MACROD2: variants seen among roughly 807,000 people sequenced by gnomAD.
MACROD2 encodes ADP-ribose glycohydrolase MACROD2.
Under a neutral mutation model 70.4 loss-of-function variants are expected in MACROD2, and 36 were observed. That is an observed-to-expected ratio of 0.51 (90% CI 0.39 to 0.68). MACROD2 has a LOEUF of 0.68. MACROD2 is among the 30% of genes least tolerant of loss of function. The pLI is 0.00. For synonymous variants in MACROD2, 172 were observed against 178.8 expected, an observed-to-expected ratio of 0.96 and a Z score of 0.30; for missense variants, 496 against 538.4, an observed-to-expected ratio of 0.92 and a Z score of 0.78.
chr20:14,804,761 G>C (rs2072618716), intron 5 of MACROD2, among the ~76,000 whole-genome samples: 1 of 152,008 alleles, frequency 6.6e-6, no homozygotes. Flanking sequence ...ACTAGTGACT[G>C]TGCCCATGCT....
intron 8 of MACROD2, among the ~76,000 whole-genome samples, chr20:15,706,423 A>G (rs745995888): frequency 3.3e-5 from 5 of 152,250 alleles, no homozygotes; most frequent in Non-Finnish European, 5.9e-5. Flanking sequence ...TTGGTTACGC[A>G]CTGTGAGAAG....
intron 7 of MACROD2, among the ~76,000 whole-genome samples, chr20:15,488,279 G>A (rs1020423108): frequency 6.6e-6 from 1 of 152,148 alleles, no homozygotes; most frequent in African/African-American, 2.4e-5. Context: ...TAGGCCTCAG[G>A]TGGCACAGAA....
rs767590705 is a variant in MACROD2 at position 14,886,995 on chromosome 20, A to G, written c.418+202036A>G. Among the ~76,000 whole-genome samples the G allele has an allele frequency of 4.6e-5, 7 of 152,202 alleles. 1 individual carries two copies. Among genetic ancestry groups the G allele is most frequent in the Middle Eastern group, 3.2e-3 (1 of 314 alleles). On this transcript the variant is annotated intron_variant, in intron 5 of 17. Transcript: ENST00000684519. ...TGATCATACACTTCTCTGAAAATAAATGTTCATAGTGAATGCTTTTTTGAT... is the reference window on the plus strand; with the variant it reads ...TGATCATACACTTCTCTGAAAATAAGTGTTCATAGTGAATGCTTTTTTGAT...
At chr20:15,668,628 G>T (rs772361763) in intron 8 of MACROD2, among the ~76,000 whole-genome samples, 17 of 151,364 alleles carry the variant, frequency 1.1e-4, no homozygotes, top group Admixed American at 6.6e-4. Flanking sequence ...ACATCAAGAG[G>T]TTCCCATTGT....
chr20:15,840,946 A>G (rs2064163521), intron 8 of MACROD2, among the ~76,000 whole-genome samples: 1 of 152,076 alleles, frequency 6.6e-6, no homozygotes, highest in African/African-American at 2.4e-5. Flanking sequence ...CAACAAGAAA[A>G]CCTTCTGAAG....
chr20:14,622,163 G>A (rs1422038859), intron 4 of MACROD2, among the ~76,000 whole-genome samples: 1 of 151,826 alleles, frequency 6.6e-6, no homozygotes, highest in African/African-American at 2.4e-5. Context: ...TATTTCCATT[G>A]GATAATAAAG....
intron 5 of MACROD2, among the ~76,000 whole-genome samples, chr20:14,757,197 T>C (rs13042992): frequency 6.6e-6 from 1 of 152,082 alleles, no homozygotes; most frequent in Non-Finnish European, 1.5e-5. Flanking sequence ...CCTAACATAA[T>C]AGAAATAAAG....
chr20:14,644,979 T>C (rs1390089945), intron 4 of MACROD2, among the ~76,000 whole-genome samples: 1 of 152,148 alleles, frequency 6.6e-6, no homozygotes, highest in Non-Finnish European at 1.5e-5. Context: ...GACTTTACAC[T>C]TATGGATTGA....
chr20:15,365,058 C>T (rs2045389027), intron 6 of MACROD2, among the ~76,000 whole-genome samples: 1 of 152,120 alleles, frequency 6.6e-6, no homozygotes, highest in Non-Finnish European at 1.5e-5. Context: ...ACATTTTACT[C>T]TGATTAAGAA....
intron 5 of MACROD2, among the ~76,000 whole-genome samples, chr20:15,000,032 TC>T (rs1191365057): frequency 6.6e-6 from 1 of 152,194 alleles, no homozygotes; most frequent in Non-Finnish European, 1.5e-5. Context: ...CATACTAAAT[TC>T]ATCATTGCAG....
intron 5 of MACROD2, among the ~76,000 whole-genome samples, chr20:14,954,489 A>AAATTATATATAATTATTATTATATAATT (rs2074502101): frequency 7.0e-6 from 1 of 142,138 alleles, no homozygotes; most frequent in Non-Finnish European, 1.5e-5. Flanking sequence ...TTAAATATAT[A>AAATTATATATAATTATTATTATATAATT]AATTATATAT....
rs143366621 is a variant in MACROD2, at chr20:14,426,387, T to G, written c.272-67092T>G. ...TTTTTATGTTATGGTTCTCTTCTCTTATCTCTCTGATATTAATAATAGATT... is the reference window on the plus strand; with the variant it reads ...TTTTTATGTTATGGTTCTCTTCTCTGATCTCTCTGATATTAATAATAGATT... On this transcript the variant is annotated intron_variant, in intron 3 of 17. Transcript: ENST00000684519. 3.3e-4 allele frequency among the ~76,000 whole-genome samples: 51 copies of G among 152,262 alleles called. 1 individual carries two copies. In the East Asian group the frequency reaches 7.9e-3, roughly 24 times the overall value.
At chr20:15,744,060 A>G (rs1175305231) in intron 8 of MACROD2, among the ~76,000 whole-genome samples, 1 of 152,084 alleles carries the variant, frequency 6.6e-6, no homozygotes, top group African/African-American at 2.4e-5. Flanking sequence ...CATAGTTCAT[A>G]GTTTTCCTAT....
chr20:14,801,640 G>T (rs1305943842), intron 5 of MACROD2, among the ~76,000 whole-genome samples: 2 of 152,044 alleles, frequency 1.3e-5, no homozygotes, highest in African/African-American at 2.4e-5. Context: ...TCCAGGGAGA[G>T]TTTTATGTAT....
At chr20:15,354,549 C>G (rs1445024667) in intron 6 of MACROD2, among the ~76,000 whole-genome samples, 3 of 152,098 alleles carry the variant, frequency 2.0e-5, no homozygotes, top group African/African-American at 7.2e-5. Flanking sequence ...TGACACTATT[C>G]TTTTGGAAAA....
chr20:14,961,867 A>G lies in MACROD2; in HGVS notation c.419-268073A>G, dbSNP rs145515175. 1.8e-3 allele frequency among the ~76,000 whole-genome samples: 271 copies of G among 152,334 alleles called. 5 individuals are homozygous for G. Among genetic ancestry groups the G allele is most frequent in the Non-Finnish European group, 4.0e-4 (27 of 68,028 alleles). ...CTCTCATCCCACTCCTTCTAATGGTAATATCTTAGAAAACCATATGACAAT... is the reference window on the plus strand; with the variant it reads ...CTCTCATCCCACTCCTTCTAATGGTGATATCTTAGAAAACCATATGACAAT... On this transcript the variant is annotated intron_variant, in intron 5 of 17. Transcript: ENST00000684519.
At chr20:15,988,023 A>G (rs2066510399) in intron 15 of MACROD2, among the ~76,000 whole-genome samples, 1 of 152,134 alleles carries the variant, frequency 6.6e-6, no homozygotes, top group Non-Finnish European at 1.5e-5. Context: ...CTCAGACATG[A>G]TCTCAATTGT....
intron 9 of MACROD2, among the ~76,000 whole-genome samples, chr20:15,873,042 ATAAT>A (rs2064608704): frequency 6.6e-6 from 1 of 152,240 alleles, no homozygotes; most frequent in African/African-American, 2.4e-5. Context: ...TTGCTTATAA[ATAAT>A]AATTTTTAAA....
At chr20:14,916,225 C>T (rs975512462) in intron 5 of MACROD2, among the ~76,000 whole-genome samples, 1 of 152,180 alleles carries the variant, frequency 6.6e-6, no homozygotes, top group Non-Finnish European at 1.5e-5. Flanking sequence ...TTCTGCCCTC[C>T]TTCCCATTTG....
Sources: allele counts gnomAD v4.1 joint callset (sites outside exome capture counted in the v4.1 genomes callset), GRCh38; gene constraint gnomAD v4.1.1; transcripts MANE v1.5; gene names NCBI Gene and HGNC (gene_info 2026-07-23, HGNC 2026-07-21).